ATP9B: variants seen among roughly 807,000 people sequenced by gnomAD.
The protein encoded by ATP9B is probable phospholipid-transporting ATPase IIB.
Under a neutral mutation model 146.1 loss-of-function variants are expected in ATP9B, and 110 were observed. The ratio of observed to expected loss-of-function variants is 0.75; its 90% CI spans 0.65 to 0.88. ATP9B has a LOEUF of 0.88. Ranked by LOEUF, ATP9B falls within the 40% of genes least tolerant of loss-of-function variation. ATP9B has a pLI of 0.00. For synonymous variants in ATP9B, 604 were observed against 569.7 expected, an observed-to-expected ratio of 1.06 and a Z score of -0.86; for missense variants, 1,499 against 1,496.4, an observed-to-expected ratio of 1.00 and a Z score of -0.03.
At position 79,214,026 on chromosome 18, in the gene ATP9B, T is replaced by A. The variant is rs1190584850; in HGVS notation, c.1095T>A (p.Asn365Lys). ...KETRSVMNTSNPKNKVGLLDL... is the reference protein window; with the variant it reads ...KETRSVMNTSKPKNKVGLLDL... ...CTCGAAGTGTAATGAACACATCCAA[T>A]CCAAAAAATAAGGTAGGCTAGATTG... is the stretch of plus-strand genomic sequence containing the variant. Residue 365 changes from asparagine to lysine, a missense_variant, in exon 11 of 30, where the codon AAT becomes AAA. By Grantham distance (94) the Asn-to-Lys change is moderately conservative. Transcript: ENST00000426216. 5.0e-6 allele frequency: 8 copies of A among 1,596,574 alleles called. No homozygotes were observed. Among genetic ancestry groups the A allele is most frequent in the Non-Finnish European group, 6.8e-6 (8 of 1,174,498 alleles).
chr18:79,098,276 A>G (rs1413817298), intron 2 of ATP9B, among the ~76,000 whole-genome samples: 1 of 151,376 alleles, frequency 6.6e-6, no homozygotes, highest in Non-Finnish European at 1.5e-5. Context: ...AACCATAAAA[A>G]CCCTAGAAGA....
At chr18:79,202,014 T>A (rs928917284) in intron 9 of ATP9B, among the ~76,000 whole-genome samples, 1 of 152,162 alleles carries the variant, frequency 6.6e-6, no homozygotes. Context: ...GCTGTGATTG[T>A]ACCACTGCAC....
chr18:79,075,081 G>GTT (rs35645442), intron 1 of ATP9B, among the ~76,000 whole-genome samples: 12,049 of 145,968 alleles, frequency 0.083, 538 homozygotes, highest in African/African-American at 0.11. Flanking sequence ...TCTTTTTAGA[G>GTT]TTTTTTTTTT....
At position 79,348,158 on chromosome 18, in the gene ATP9B, C is replaced by T. The variant is rs762005225; in HGVS notation, c.2865C>T (p.Phe955=). The change falls in exon 25 of 30, where the codon TTC becomes TTT. Residue 955 remains phenylalanine, a synonymous_variant. Transcript: ENST00000426216. ...CTGTGTTTTCCTCAGTCTTCTACTT[C>T]GCATCCGTCCCTTTGTATCAGGGCT... ...MQAVFSSVFY[F]ASVPLYQGFL... 12 of 1,606,640 alleles carry T rather than the reference C, an allele frequency of 7.5e-6. 1 individual carries two copies. Among genetic ancestry groups the T allele is most frequent in the South Asian group, 6.6e-5 (6 of 90,868 alleles).
chr18:79,265,131 T>G (rs958458968), intron 12 of ATP9B, among the ~76,000 whole-genome samples: 1 of 152,228 alleles, frequency 6.6e-6, no homozygotes, highest in African/African-American at 2.4e-5. Flanking sequence ...TTTAGTGTGT[T>G]CTCACCATTT....
intron 1 of ATP9B, among the ~76,000 whole-genome samples, chr18:79,069,828 A>G (rs182819868): frequency 1.1e-4 from 16 of 152,376 alleles, no homozygotes; most frequent in Non-Finnish European, 2.1e-4. Flanking sequence ...GCTCTCCTAA[A>G]GTAAACGGGG....
chr18:79,330,914 T>C lies in ATP9B; in HGVS notation c.2028+810T>C, dbSNP rs532752121. Among the ~76,000 whole-genome samples, 5 of 152,354 alleles carry C rather than the reference T, an allele frequency of 3.3e-5. No individual in the cohort carries two copies. The East Asian group carries it at 9.6e-4, about 29-fold the overall frequency. ...GTATCTCTTTTGTAACATAAATATT[T>C]GCAAGATTTTCTTTAGAATTTTAAC... On this transcript the variant is annotated intron_variant, in intron 17 of 29. Coordinates refer to ENST00000426216, the MANE Select transcript of ATP9B (RefSeq NM_198531.5).
chr18:79,260,766 A>G (rs1283644736), intron 12 of ATP9B, among the ~76,000 whole-genome samples: 2 of 152,248 alleles, frequency 1.3e-5, no homozygotes, highest in Non-Finnish European at 2.9e-5. Context: ...CAAAATTGGC[A>G]TGAGCAGTGC....
chr18:79,374,086 C>T lies in ATP9B; in HGVS notation c.3259C>T (p.Leu1087Phe). 2 of 1,614,168 alleles carry T rather than the reference C, an allele frequency of 1.2e-6. No individual in the cohort carries two copies. The highest frequency in any genetic ancestry group is 8.5e-7 in the Non-Finnish European group (1 of 1,180,024). The change falls in exon 28 of 30, where the codon CTC (leucine) becomes TTC (phenylalanine). Residue 1087 changes from leucine (L) to phenylalanine (F), a missense_variant. Transcript: ENST00000426216. ...LGCYVSSLAF[L>F]NEYFGIGRVS... is the part of the protein sequence containing the mutation. ...CTGCTACGTGTCCTCACTCGCTTTT[C>T]TCAATGAATATTTTGGTAAGTTGCC...
At chr18:79,140,081 C>T (rs550734889) in intron 5 of ATP9B, among the ~76,000 whole-genome samples, 40 of 152,174 alleles carry the variant, frequency 2.6e-4, no homozygotes, top group African/African-American at 7.0e-4. Context: ...TTATTAAAAG[C>T]TTCACAGAGG....
At chr18:79,122,775 T>G (rs995586889) in intron 4 of ATP9B, among the ~76,000 whole-genome samples, 3 of 152,226 alleles carry the variant, frequency 2.0e-5, no homozygotes, top group African/African-American at 7.2e-5. Context: ...AATAAAATGA[T>G]GAATTTATAT....
At chr18:79,127,870 A>G (rs185774278) in intron 5 of ATP9B, among the ~76,000 whole-genome samples, 56 of 152,166 alleles carry the variant, frequency 3.7e-4, no homozygotes, top group African/African-American at 1.1e-3. Flanking sequence ...TCACCTGTAC[A>G]TAACTCTCTG....
chr18:79,309,445 C>G (rs1237815940), intron 15 of ATP9B, among the ~76,000 whole-genome samples: 1 of 145,004 alleles, frequency 6.9e-6, no homozygotes, highest in Non-Finnish European at 1.5e-5. Context: ...GAGTGATCCC[C>G]AGCAGGTAGA....
In ATP9B at chr18:79,069,468, C is replaced by T; in HGVS notation, c.58C>T (p.Arg20Cys). The change falls in exon 1 of 30, where the codon CGC (arginine) becomes TGC (cysteine). Residue 20 changes from arginine to cysteine, a missense_variant. Coordinates refer to ENST00000426216, the MANE Select transcript of ATP9B (RefSeq NM_198531.5). ...TAGCGCAGCGGCGGCCGCAGCCAAC[C>T]GCAAACGCGCGGCCTACTACAGCGC... The part of the protein sequence containing the change: ...VRSAAAAAAN[R>C]KRAAYYSAAG... 3 of 1,504,184 alleles carry T rather than the reference C, an allele frequency of 2.0e-6. No homozygotes were observed. The highest frequency in any genetic ancestry group is 1.8e-6 in the Non-Finnish European group (2 of 1,129,216). 93.2% of individuals were successfully genotyped at this position (1,504,184 alleles called of 1,614,324 possible).
intron 15 of ATP9B, among the ~76,000 whole-genome samples, chr18:79,326,628 G>T (rs147748514): frequency 2.0e-5 from 3 of 152,184 alleles, no homozygotes; most frequent in Non-Finnish European, 1.5e-5. Context: ...TGCACACTCC[G>T]TCCCCACACA....
intron 12 of ATP9B, among the ~76,000 whole-genome samples, chr18:79,259,242 C>A (rs2096115664): frequency 1.3e-5 from 2 of 152,316 alleles, no homozygotes; most frequent in Non-Finnish European, 1.5e-5. Flanking sequence ...TCCTGTGCAT[C>A]TCTCATAAGA....
At chr18:79,094,780 G>C (rs1245305928) in intron 1 of ATP9B, among the ~76,000 whole-genome samples, 19 of 152,228 alleles carry the variant, frequency 1.2e-4, no homozygotes. Flanking sequence ...CTGGAGCTAA[G>C]CTGCCCTTGT....
intron 25 of ATP9B, among the ~76,000 whole-genome samples, chr18:79,356,741 A>C (rs1002367290): frequency 2.0e-5 from 3 of 148,956 alleles, no homozygotes; most frequent in Admixed American, 6.8e-5. Flanking sequence ...ATTAGGGAGG[A>C]GGCAGCAGAG....
At chr18:79,235,501 T>A (rs532917407) in intron 11 of ATP9B, among the ~76,000 whole-genome samples, 1 of 152,334 alleles carries the variant, frequency 6.6e-6, no homozygotes, top group South Asian at 2.1e-4. Context: ...ATAACAATTA[T>A]AATACTTGTT....
Sources: allele counts gnomAD v4.1 joint callset (sites outside exome capture counted in the v4.1 genomes callset), GRCh38; gene constraint gnomAD v4.1.1; transcripts MANE v1.5; gene names NCBI Gene and HGNC (gene_info 2026-07-23, HGNC 2026-07-21).